ITGB5: variants seen among roughly 807,000 people sequenced by gnomAD.
ITGB5 encodes the protein integrin beta-5.
Under a neutral mutation model 84.8 loss-of-function variants are expected in ITGB5, and 38 were observed. The observed-to-expected ratio is 0.45, with a 90% CI of 0.35 to 0.59. ITGB5 has a LOEUF of 0.59. Ranked by LOEUF, ITGB5 falls within the 20% of genes least tolerant of loss-of-function variation. The probability of loss-of-function intolerance (pLI) is 0.01; values close to 1 mark genes in which losing one functional copy is unlikely to be tolerated. For synonymous variants in ITGB5, 393 were observed against 414.4 expected (o/e 0.95, Z 0.63); for missense variants, 905 against 1,034.5 (o/e 0.87, Z 1.72).
At chr3:124,822,813 A>G (rs1296412119) in intron 5 of ITGB5, among the ~76,000 whole-genome samples, 1 of 152,232 alleles carries the variant, frequency 6.6e-6, no homozygotes, top group Non-Finnish European at 1.5e-5. Context: ...AAGAGCTTAT[A>G]GTCAAATGGA....
rs906688132 is a variant in ITGB5 at position 124,901,078 on chromosome 3, A to C, written c.-255+188T>G. Among the ~76,000 whole-genome samples, 4 of 152,348 alleles carry C rather than the reference A, an allele frequency of 2.6e-5. No individual in the cohort carries two copies. In the East Asian group the frequency reaches 7.7e-4, roughly 29 times the overall value. Reference sequence around the variant, plus strand: ...CAAGGAAAAGTCCAAGGAGAAATTTAGAAATGGTGCATTAAAAGTTAATGG... The same window carrying C: ...CAAGGAAAAGTCCAAGGAGAAATTTCGAAATGGTGCATTAAAAGTTAATGG... On this transcript the variant is annotated intron_variant, in intron 1 of 4. Transcript: ENST00000608657.
rs143325152 is a variant in ITGB5 at position 124,796,479 on chromosome 3, G to A, written c.1602C>T (p.Ser534=). 11 of 1,614,022 alleles carry A rather than the reference G, an allele frequency of 6.8e-6. No individual in the cohort carries two copies. Among genetic ancestry groups the A allele is most frequent in the Non-Finnish European group, 7.6e-6 (9 of 1,180,042 alleles). ...GRGDCSCNQC[S]CFESEFGKIY... is the part of the protein sequence containing the mutation. ...TCTTGCCAAACTCGCTCTCGAAGCAGGAGCACTGGTTGCAGCTGCAGTCCC... is the reference window on the plus strand; with the variant it reads ...TCTTGCCAAACTCGCTCTCGAAGCAAGAGCACTGGTTGCAGCTGCAGTCCC... The change falls in exon 10 of 15, where the codon TCC becomes TCT. Residue 534 remains serine (S), a synonymous_variant. Coordinates refer to ENST00000296181, the MANE Select transcript of ITGB5 (RefSeq NM_002213.5).
chr3:124,851,232 C>G (rs1166581249), intron 3 of ITGB5, among the ~76,000 whole-genome samples: 1 of 152,148 alleles, frequency 6.6e-6, no homozygotes, highest in Non-Finnish European at 1.5e-5. Context: ...CTAGGGAGAA[C>G]TCAGGCTCTC....
chr3:124,781,248 G>A (rs1365180953), intron 10 of ITGB5: 1 of 152,254 alleles, frequency 6.6e-6, no homozygotes, highest in East Asian at 1.9e-4. Context: ...CAAGGACTGC[G>A]GCCTCTGTCT....
chr3:124,885,211 A>G (rs1350351257), intron 1 of ITGB5, among the ~76,000 whole-genome samples: 1 of 152,144 alleles, frequency 6.6e-6, no homozygotes, highest in Non-Finnish European at 1.5e-5. Flanking sequence ...TGGAGGTTGC[A>G]GTGAGCCGAG....
At chr3:124,779,973 T>G (rs368479146) in intron 10 of ITGB5, among the ~76,000 whole-genome samples, 1 of 152,144 alleles carries the variant, frequency 6.6e-6, no homozygotes, top group Non-Finnish European at 1.5e-5. Flanking sequence ...ACCCAGAGCC[T>G]GAGGGAGCTG....
chr3:124,874,810 G>A (rs1028100346), intron 1 of ITGB5, among the ~76,000 whole-genome samples: 1 of 152,170 alleles, frequency 6.6e-6, no homozygotes, highest in Non-Finnish European at 1.5e-5. Context: ...ATATACAGAA[G>A]AATGAAACTG....
intron 5 of ITGB5, among the ~76,000 whole-genome samples, chr3:124,839,032 T>A (rs1160131050): frequency 6.6e-6 from 1 of 152,198 alleles, no homozygotes; most frequent in Admixed American, 6.5e-5. Flanking sequence ...GTTTTATAAG[T>A]AGGTGATGTC....
chr3:124,856,749 A>C (rs1477971995), intron 3 of ITGB5, among the ~76,000 whole-genome samples: 1 of 152,250 alleles, frequency 6.6e-6, no homozygotes, highest in Non-Finnish European at 1.5e-5. Context: ...CCAACATATT[A>C]AGGGTCTATA....
At chr3:124,887,572 G>C (rs1008201722), upstream of ITGB5, 1 of 309,538 alleles carries the variant, frequency 3.2e-6, no homozygotes, top group African/African-American at 2.2e-5. Flanking sequence ...GGCCCTACGG[G>C]CCCAGGTGGA....
intron 1 of ITGB5, among the ~76,000 whole-genome samples, chr3:124,874,574 T>C (rs1026385911): frequency 2.6e-5 from 4 of 152,166 alleles, no homozygotes; most frequent in Admixed American, 6.5e-5. Context: ...AGAACAAAGA[T>C]GGAGGCATTG....
chr3:124,848,365 C>T lies in ITGB5; in HGVS notation c.555G>A (p.Lys185=). ...CCGTGTAGGAGAAAGGAGAGATGTC[C>T]TTATCAACAAAAGACCCAAATCCCA... ...FRLGFGSFVD[K]DISPFSYTAP... The change falls in exon 4 of 15, where the codon AAG becomes AAA. Residue 185 remains lysine (K), a synonymous_variant. Coordinates refer to ENST00000296181, the MANE Select transcript of ITGB5 (RefSeq NM_002213.5). 9 of 1,614,112 alleles carry T rather than the reference C, an allele frequency of 5.6e-6. No individual in the cohort carries two copies. Among genetic ancestry groups the T allele is most frequent in the Non-Finnish European group, 5.9e-6 (7 of 1,180,028 alleles).
rs764286659 is a variant in ITGB5 at position 124,821,344 on chromosome 3, T to G, written c.911A>C (p.Glu304Ala). The change falls in exon 6 of 15, where the codon GAG (glutamate) becomes GCG (alanine). Residue 304 changes from glutamate to alanine, a missense_variant. Physicochemically the swap from Glu to Ala is moderately radical, Grantham distance 107. Coordinates refer to ENST00000296181, the MANE Select transcript of ITGB5 (RefSeq NM_002213.5). ...QPHDGQCHLN[E>A]ANEYTASNQM... ...GTTGGATGCAGTGTACTCGTTGGCC[T>G]CGTTCAGGTGGCACTGGCCATCGTG... 1 of 1,614,126 alleles carries G rather than the reference T, an allele frequency of 6.2e-7. No homozygotes were observed. Among genetic ancestry groups the G allele is most frequent in the East Asian group, 2.2e-5 (1 of 44,880 alleles).
chr3:124,806,976 G>A (rs544795354), intron 9 of ITGB5, among the ~76,000 whole-genome samples: 2 of 152,194 alleles, frequency 1.3e-5, no homozygotes, highest in East Asian at 3.9e-4. Flanking sequence ...AAACAAGACA[G>A]GGATCCACAT....
intron 11 of ITGB5, among the ~76,000 whole-genome samples, chr3:124,772,048 C>T (rs1378155842): frequency 6.6e-6 from 1 of 151,594 alleles, no homozygotes; most frequent in Non-Finnish European, 1.5e-5. Context: ...GAAGCATAGG[C>T]TCAAAAAGGT....
Position 124,784,828 on chromosome 3 carries a change from G to A in ITGB5, c.1694-10916C>T, listed in dbSNP as rs537185508. Among the ~76,000 whole-genome samples the A allele has an allele frequency of 7.9e-5, 12 of 152,348 alleles. No homozygotes were observed. The South Asian group carries it at 1.0e-3, about 13-fold the overall frequency. The stretch of plus-strand genomic sequence containing the variant: ...AATCACATCTGGAAAGTGTGAACTC[G>A]CCACCCTCTTGGTCACCGCAACAGG... On this transcript the variant is annotated intron_variant, in intron 10 of 14. Coordinates refer to ENST00000296181, the MANE Select transcript of ITGB5 (RefSeq NM_002213.5).
intron 2 of ITGB5, chr3:124,862,529 A>G (rs978993411): frequency 6.6e-6 from 1 of 152,252 alleles, no homozygotes; most frequent in African/African-American, 2.4e-5. Context: ...GAACTTGTAC[A>G]GGGCCAAATG....
intron 2 of ITGB5, among the ~76,000 whole-genome samples, chr3:124,861,655 T>G (rs2085003894): frequency 6.6e-6 from 1 of 151,010 alleles, no homozygotes; most frequent in Admixed American, 6.6e-5. Flanking sequence ...TCCGACTCCC[T>G]GGTTCAAGCA....
chr3:124,840,113 C>G (rs2064990690), intron 5 of ITGB5, among the ~76,000 whole-genome samples: 1 of 152,216 alleles, frequency 6.6e-6, no homozygotes. Flanking sequence ...GGAGAGGAAA[C>G]AGGAGTCTGT....
Sources: gnomAD v4.1 joint callset for allele counts (sites outside exome capture counted in the v4.1 genomes callset) on GRCh38, gnomAD v4.1.1 for gene constraint, MANE v1.5 for transcripts, NCBI Gene and HGNC (gene_info 2026-07-23, HGNC 2026-07-21) for gene names.